Variants in MYRIP observed in about 807,000 individuals in gnomAD.
The protein encoded by MYRIP is myosin VIIA and Rab interacting protein.
Under a neutral mutation model 98.0 loss-of-function variants are expected in MYRIP, and 49 were observed. The observed-to-expected ratio is 0.50, with a 90% CI of 0.40 to 0.63. MYRIP has a LOEUF of 0.63. Among genes scored for constraint, MYRIP ranks in the 30% least tolerant of loss-of-function variants. The pLI is 0.00. For synonymous variants in MYRIP, 404 were observed against 409.5 expected, an observed-to-expected ratio of 0.99 and a Z score of 0.16; for missense variants, 1,004 against 1,058.2, an observed-to-expected ratio of 0.95 and a Z score of 0.71.
intron 3 of MYRIP, among the ~76,000 whole-genome samples, chr3:40,105,878 A>C (rs1949041774): frequency 6.6e-6 from 1 of 152,186 alleles, no homozygotes; most frequent in Admixed American, 6.5e-5. Context: ...CCATGATCCA[A>C]TCACTTCCCA....
chr3:39,922,687 T>C (rs1267353322), intron 2 of MYRIP, among the ~76,000 whole-genome samples: 1 of 152,196 alleles, frequency 6.6e-6, no homozygotes, highest in African/African-American at 2.4e-5. Flanking sequence ...CTTCTGACTC[T>C]CTTTGGCAGC....
chr3:40,086,099 A>G (rs563685182), intron 3 of MYRIP, among the ~76,000 whole-genome samples: 5 of 152,320 alleles, frequency 3.3e-5, no homozygotes, highest in Admixed American at 2.0e-4. Context: ...CACCCACAGG[A>G]AGGCAAGGAA....
chr3:40,042,497 C>A (rs1947561147), intron 2 of MYRIP, among the ~76,000 whole-genome samples: 1 of 151,856 alleles, frequency 6.6e-6, no homozygotes, highest in African/African-American at 2.4e-5. Context: ...AAGACAAGGG[C>A]AGAACGGGAG....
intron 16 of MYRIP, among the ~76,000 whole-genome samples, chr3:40,254,232 T>C (rs1476225846): frequency 6.6e-6 from 1 of 152,150 alleles, no homozygotes; most frequent in Admixed American, 6.5e-5. Flanking sequence ...TCTCCGAAGG[T>C]GATTTTGAGG....
rs138512436 is a variant in MYRIP at position 40,196,269 on chromosome 3, GTCT to G, written c.1665+5811_1665+5813del. 8.4e-3 allele frequency among the ~76,000 whole-genome samples: 1,277 copies of G among 151,608 alleles called. 23 individuals are homozygous for G. Among genetic ancestry groups the G allele is most frequent in the African/African-American group, 0.029 (1,198 of 41,356 alleles). On this transcript the variant is annotated intron_variant, in intron 10 of 16. Coordinates refer to ENST00000302541, the MANE Select transcript of MYRIP (RefSeq NM_015460.4). ...AATTTCTACTTTTATATTTATTAAT[GTCT>G]TCTTTTTACTTTCTTGTTTTCATAC...
chr3:39,898,565 G>A (rs542154981), intron 1 of MYRIP, among the ~76,000 whole-genome samples: 11 of 152,080 alleles, frequency 7.2e-5, no homozygotes, highest in Non-Finnish European at 1.2e-4. Flanking sequence ...AAACTAGAAA[G>A]CATTTACATG....
At chr3:39,885,784 C>T (rs372790790) in intron 1 of MYRIP, among the ~76,000 whole-genome samples, 17 of 152,196 alleles carry the variant, frequency 1.1e-4, no homozygotes, top group East Asian at 3.9e-4. Context: ...TCCAGTTGAT[C>T]GCATTGGCTC....
intron 4 of MYRIP, among the ~76,000 whole-genome samples, chr3:40,161,600 A>C (rs1950396810): frequency 6.6e-6 from 1 of 152,094 alleles, no homozygotes; most frequent in South Asian, 2.1e-4. Flanking sequence ...CTTCTTGCTT[A>C]TTCAATCTCT....
intron 2 of MYRIP, among the ~76,000 whole-genome samples, chr3:40,007,990 C>G (rs1474520342): frequency 3.3e-5 from 5 of 152,210 alleles, no homozygotes; most frequent in African/African-American, 7.2e-5. Context: ...TATCTGGGTA[C>G]TGTGGCCTAG....
intron 8 of MYRIP, among the ~76,000 whole-genome samples, chr3:40,178,658 T>C (rs1299651295): frequency 6.6e-6 from 1 of 152,210 alleles, no homozygotes; most frequent in Non-Finnish European, 1.5e-5. Context: ...TTGGCTAATA[T>C]TTATTGAGTG....
At chr3:40,016,558 C>T (rs3935798) in intron 2 of MYRIP, among the ~76,000 whole-genome samples, 42,263 of 152,060 alleles carry the variant, frequency 0.28, 6,585 homozygotes, top group Non-Finnish European at 0.36. Flanking sequence ...AGACTGAAGC[C>T]GACTGCAGAC....
At position 40,053,125 on chromosome 3, in the gene MYRIP, C is replaced by T. The variant is rs148441488; in HGVS notation, c.332+8854C>T. On this transcript the variant is annotated intron_variant, in intron 3 of 16. Transcript: ENST00000302541. ...CATAAAGAAATGTAGGACTTGCTCCCTTCTCTCTTCCCCATTCCAAAATCC... is the reference window on the plus strand; with the variant it reads ...CATAAAGAAATGTAGGACTTGCTCCTTTCTCTCTTCCCCATTCCAAAATCC... 6.6e-4 allele frequency among the ~76,000 whole-genome samples: 100 copies of T among 152,256 alleles called. No individual in the cohort carries two copies. The Middle Eastern group carries it at 0.01, about 16-fold the overall frequency.
At chr3:40,133,521 A>G (rs753853418) in intron 3 of MYRIP, among the ~76,000 whole-genome samples, 77 of 152,354 alleles carry the variant, frequency 5.1e-4, no homozygotes, top group Non-Finnish European at 8.8e-4. Flanking sequence ...TTAGAGAAGA[A>G]GTGAGAAAGT....
At chr3:40,172,531 A>G (rs1012741703) in intron 8 of MYRIP, among the ~76,000 whole-genome samples, 2 of 152,150 alleles carry the variant, frequency 1.3e-5, no homozygotes, top group African/African-American at 4.8e-5. Context: ...ACTAAATGAG[A>G]CGTGGACATA....
intron 2 of MYRIP, among the ~76,000 whole-genome samples, chr3:39,973,413 A>T (rs1009719276): frequency 1.6e-4 from 24 of 152,080 alleles, no homozygotes; most frequent in Non-Finnish European, 1.8e-4. Flanking sequence ...AAGTCCTTAG[A>T]GACCTACAAA....
intron 12 of MYRIP, among the ~76,000 whole-genome samples, chr3:40,238,979 C>A (rs1044432425): frequency 6.6e-6 from 1 of 151,714 alleles, no homozygotes; most frequent in Non-Finnish European, 1.5e-5. Flanking sequence ...CATATGTATA[C>A]ATGTGCCATG....
At chr3:40,083,005 G>A (rs1026599984) in intron 3 of MYRIP, among the ~76,000 whole-genome samples, 8 of 152,136 alleles carry the variant, frequency 5.3e-5, no homozygotes, top group African/African-American at 1.9e-4. Context: ...TACATTTAAC[G>A]GACATTTGAG....
chr3:40,115,130 A>AG, intron 3 of MYRIP, among the ~76,000 whole-genome samples: 1 of 152,278 alleles, frequency 6.6e-6, no homozygotes, highest in Non-Finnish European at 1.5e-5. Flanking sequence ...AAGCCCAAAA[A>AG]TTTGGGAAAT....
intron 2 of MYRIP, among the ~76,000 whole-genome samples, chr3:39,941,505 G>T: frequency 6.6e-6 from 1 of 151,122 alleles, no homozygotes; most frequent in Non-Finnish European, 1.5e-5. Context: ...GTGTGTGTGT[G>T]TGTGTATATA....
Sources: allele counts gnomAD v4.1 joint callset (sites outside exome capture counted in the v4.1 genomes callset), GRCh38; gene constraint gnomAD v4.1.1; transcripts MANE v1.5; gene names NCBI Gene and HGNC (gene_info 2026-07-23, HGNC 2026-07-21).